Variants in COL25A1 observed in about 807,000 individuals in gnomAD.
COL25A1 encodes the protein collagen alpha-1(XXV) chain.
A neutral mutation model predicts 128.4 loss-of-function variants in COL25A1; 103 were observed. That is an observed-to-expected ratio of 0.80 (90% CI 0.68 to 0.94). COL25A1 has a LOEUF of 0.94. Ranked by LOEUF, COL25A1 falls within the 40% of genes least tolerant of loss-of-function variation. COL25A1 has a pLI of 0.00. For synonymous variants in COL25A1, 279 were observed against 277.2 expected, an observed-to-expected ratio of 1.01 and a Z score of -0.06; for missense variants, 745 against 840.0, an observed-to-expected ratio of 0.89 and a Z score of 1.40.
intron 8 of COL25A1, among the ~76,000 whole-genome samples, chr4:108,943,737 A>G (rs1302647734): frequency 6.6e-6 from 1 of 151,948 alleles, no homozygotes; most frequent in Admixed American, 6.6e-5. Context: ...GGCGTTATCA[A>G]TTGGGTAAGT....
intron 15 of COL25A1, among the ~76,000 whole-genome samples, chr4:108,897,416 T>C (rs945269809): frequency 2.4e-4 from 36 of 152,366 alleles, no homozygotes; most frequent in African/African-American, 8.7e-4. Context: ...TCGTTTATTA[T>C]CTTCCTTAAA....
intron 34 of COL25A1, 54 bp downstream of exon 34, chr4:108,825,142 G>A (rs1732219275): frequency 1.6e-5 from 22 of 1,381,438 alleles, no homozygotes; most frequent in Non-Finnish European, 2.3e-5. Context: ...ATCGATGATG[G>A]AGACCATCAA....
intron 13 of COL25A1, among the ~76,000 whole-genome samples, chr4:108,913,849 T>C (rs1280717431): frequency 6.6e-6 from 1 of 152,170 alleles, no homozygotes; most frequent in African/African-American, 2.4e-5. Context: ...TCCAGAGTAT[T>C]TGAAGTAGGA....
At chr4:108,844,432 C>G in intron 30 of COL25A1, 87 bp downstream of exon 30, 1 of 1,609,788 alleles carries the variant, frequency 6.2e-7, no homozygotes, top group Non-Finnish European at 8.5e-7. Context: ...AAAATACAAG[C>G]TGGCTGTTTA....
intron 3 of COL25A1, among the ~76,000 whole-genome samples, chr4:109,147,901 A>T (rs1446597525): frequency 6.6e-6 from 1 of 152,020 alleles, no homozygotes; most frequent in African/African-American, 2.4e-5. Context: ...TGGAGTGCTT[A>T]TAAGGTCAGC....
intron 6 of COL25A1, among the ~76,000 whole-genome samples, chr4:109,007,478 C>T (rs1756135751): frequency 1.3e-5 from 2 of 152,256 alleles, no homozygotes; most frequent in South Asian, 2.1e-4. Flanking sequence ...AACAACTCTT[C>T]GCTCCTTTTT....
intron 3 of COL25A1, among the ~76,000 whole-genome samples, chr4:109,280,837 T>C (rs1723312259): frequency 6.6e-6 from 1 of 151,926 alleles, no homozygotes; most frequent in Non-Finnish European, 1.5e-5. Context: ...AGTAAAGATG[T>C]AGTTTCACCA....
At chr4:109,160,775 C>T (rs1351297248) in intron 3 of COL25A1, among the ~76,000 whole-genome samples, 2 of 152,098 alleles carry the variant, frequency 1.3e-5, no homozygotes, top group Non-Finnish European at 2.9e-5. Context: ...GAGGAAAGAA[C>T]TAAAAATTCT....
At position 108,813,568 on chromosome 4, in the gene COL25A1, C is replaced by T; in HGVS notation, c.*359G>A. The stretch of plus-strand genomic sequence containing the variant: ...TAGCTTTGAGTCCATATTTGGTCAC[C>T]ATTTCATGTAAACTATTTCATGGCA... On this transcript the variant is annotated 3_prime_UTR_variant, in exon 38 of 38. Coordinates refer to ENST00000399132, the MANE Select transcript of COL25A1 (RefSeq NM_198721.4). 1 of 220,640 alleles carries T rather than the reference C, an allele frequency of 4.5e-6. No homozygotes were observed. Among genetic ancestry groups the T allele is most frequent in the Non-Finnish European group, 9.0e-6 (1 of 111,214 alleles). The allele number at this position is 220,640 out of a possible 1,614,324, so 13.7% of individuals were successfully genotyped here.
intron 3 of COL25A1, among the ~76,000 whole-genome samples, chr4:109,174,216 A>G (rs925112184): frequency 6.6e-6 from 1 of 152,208 alleles, no homozygotes; most frequent in African/African-American, 2.4e-5. Flanking sequence ...AAGTCTGTGA[A>G]TACAAGTAGC....
intron 6 of COL25A1, among the ~76,000 whole-genome samples, chr4:108,992,035 C>T (rs1327886084): frequency 6.6e-6 from 1 of 152,184 alleles, no homozygotes; most frequent in Non-Finnish European, 1.5e-5. Flanking sequence ...GTGACATCCT[C>T]CACTTCTTTT....
intron 16 of COL25A1, 132 bp downstream of exon 16, chr4:108,896,535 C>G (rs992415665): frequency 1.6e-6 from 1 of 640,108 alleles, no homozygotes; most frequent in Non-Finnish European, 2.8e-6. Context: ...GTTTTCTAAT[C>G]TTGGAGAATG....
chr4:109,211,720 A>C (rs531189656), intron 3 of COL25A1, among the ~76,000 whole-genome samples: 1 of 152,216 alleles, frequency 6.6e-6, no homozygotes, highest in African/African-American at 2.4e-5. Flanking sequence ...AGATTCTTTG[A>C]CCCTGCCAAA....
intron 3 of COL25A1, among the ~76,000 whole-genome samples, chr4:109,117,118 T>C (rs1051067764): frequency 1.3e-5 from 2 of 151,752 alleles, no homozygotes; most frequent in Non-Finnish European, 2.9e-5. Context: ...CTGAGAATTT[T>C]CCAAAATAAA....
At chr4:108,868,995 G>T in intron 20 of COL25A1, 93 bp downstream of exon 20, 2 of 706,420 alleles carry the variant, frequency 2.8e-6, no homozygotes, top group Non-Finnish European at 4.7e-6. Flanking sequence ...GACAATAAAA[G>T]AAAGAGAAAG....
chr4:109,276,216 T>C (rs1296750691), intron 3 of COL25A1, among the ~76,000 whole-genome samples: 1 of 151,956 alleles, frequency 6.6e-6, no homozygotes, highest in African/African-American at 2.4e-5. Flanking sequence ...ATCAAGACCA[T>C]CCTGGCTAAC....
intron 3 of COL25A1, among the ~76,000 whole-genome samples, chr4:109,106,158 T>C (rs1223843883): frequency 6.6e-6 from 1 of 152,212 alleles, no homozygotes; most frequent in East Asian, 1.9e-4. Context: ...TGATGAGCTA[T>C]ACAAATTATC....
At chr4:109,006,907 G>C (rs79459692) in intron 6 of COL25A1, among the ~76,000 whole-genome samples, 1 of 152,066 alleles carries the variant, frequency 6.6e-6, no homozygotes, top group African/African-American at 2.4e-5. Flanking sequence ...GGGCACCTGT[G>C]GGGGCTTGGG....
chr4:108,836,343 T>C (rs973721771), intron 31 of COL25A1, among the ~76,000 whole-genome samples: 5 of 152,262 alleles, frequency 3.3e-5, no homozygotes, highest in Admixed American at 2.6e-4. Context: ...TTAAATAAAA[T>C]AGAAAATCCA....
Sources: allele counts gnomAD v4.1 joint callset (sites outside exome capture counted in the v4.1 genomes callset), GRCh38; gene constraint gnomAD v4.1.1; transcripts MANE v1.5; gene names NCBI Gene and HGNC (gene_info 2026-07-23, HGNC 2026-07-21).